Variants in PRKG2 observed in about 807,000 individuals in gnomAD.
PRKG2 encodes protein kinase cGMP-dependent 2, also known as cGMP-dependent protein kinase 2.
Under a neutral mutation model 97.2 loss-of-function variants are expected in PRKG2, and 33 were observed. That is an observed-to-expected ratio of 0.34 (90% CI 0.26 to 0.45). PRKG2 has a LOEUF of 0.45. Ranked by LOEUF, PRKG2 falls within the 20% of genes least tolerant of loss-of-function variation. The pLI is 1.00. For synonymous variants in PRKG2, 330 were observed against 321.8 expected, an observed-to-expected ratio of 1.03 and a Z score of -0.27; for missense variants, 638 against 900.0, an observed-to-expected ratio of 0.71 and a Z score of 3.73.
chr4:81,193,802 G>A (rs1355000028), intron 2 of PRKG2, among the ~76,000 whole-genome samples: 2 of 152,006 alleles, frequency 1.3e-5, no homozygotes, highest in Admixed American at 1.3e-4. Context: ...ATCACACTAC[G>A]GCACTCCAGC....
At chr4:81,102,486 A>G (rs1339439244) in intron 17 of PRKG2, among the ~76,000 whole-genome samples, 1 of 152,220 alleles carries the variant, frequency 6.6e-6, no homozygotes, top group Non-Finnish European at 1.5e-5. Context: ...GAGAAAAGAA[A>G]TTGTGATAAC....
At chr4:81,112,730 A>G (rs976229792) in intron 14 of PRKG2, among the ~76,000 whole-genome samples, 1 of 152,168 alleles carries the variant, frequency 6.6e-6, no homozygotes, top group Admixed American at 6.5e-5. Context: ...GTCAGCGGAA[A>G]CTGGACACTC....
chr4:81,107,791 A>T (rs984815949), intron 15 of PRKG2, among the ~76,000 whole-genome samples: 3 of 152,142 alleles, frequency 2.0e-5, no homozygotes, highest in Admixed American at 6.6e-5. Flanking sequence ...GATTACAGGC[A>T]CGAGTCACAA....
upstream of PRKG2, among the ~76,000 whole-genome samples, chr4:81,217,031 GTATATATATATATATA>G (rs35897460): frequency 1.2e-4 from 14 of 115,296 alleles, 1 homozygote; most frequent in Non-Finnish European, 1.7e-4. Flanking sequence ...TATATATTTT[GTATATATATATATATA>G]TATATATGTG....
chr4:81,128,194 G>C (rs557739269), intron 14 of PRKG2, among the ~76,000 whole-genome samples: 1 of 152,172 alleles, frequency 6.6e-6, no homozygotes, highest in African/African-American at 2.4e-5. Flanking sequence ...CTTGATCGTG[G>C]TGGATAAACT....
Position 81,119,087 on chromosome 4 carries a change from G to C in PRKG2, c.1777-8476C>G, listed in dbSNP as rs577411871. Among the ~76,000 whole-genome samples the C allele has an allele frequency of 3.9e-5, 6 of 152,264 alleles. No individual in the cohort carries two copies. In the South Asian group the frequency reaches 1.2e-3, roughly 32 times the overall value. Reference sequence around the variant, plus strand: ...GCTAGGATTACAGATATGTGCCACTGGGCCCAGTCAAGAAGCTTTTAATTT... The same window carrying C: ...GCTAGGATTACAGATATGTGCCACTCGGCCCAGTCAAGAAGCTTTTAATTT... On this transcript the variant is annotated intron_variant, in intron 14 of 18. Coordinates refer to ENST00000264399, the MANE Select transcript of PRKG2 (RefSeq NM_006259.3).
intron 2 of PRKG2, chr4:81,175,578 G>T (rs1300067955): frequency 6.6e-6 from 1 of 152,130 alleles, no homozygotes; most frequent in Non-Finnish European, 1.5e-5. Flanking sequence ...AAGGGAGAAA[G>T]CCTTTGGGGC....
At chr4:81,147,441 A>G (rs1747963320) in intron 9 of PRKG2, among the ~76,000 whole-genome samples, 1 of 152,110 alleles carries the variant, frequency 6.6e-6, no homozygotes, top group South Asian at 2.1e-4. Context: ...ATCTGAACAC[A>G]CTTCACACTT....
intron 2 of PRKG2, among the ~76,000 whole-genome samples, chr4:81,187,654 T>C (rs1034866063): frequency 2.0e-5 from 3 of 152,096 alleles, no homozygotes; most frequent in Non-Finnish European, 4.4e-5. Context: ...GGTATTCAAA[T>C]AGGAAAAGAG....
At chr4:81,103,018 A>C (rs1400206130) in intron 17 of PRKG2, among the ~76,000 whole-genome samples, 1 of 152,200 alleles carries the variant, frequency 6.6e-6, no homozygotes. Flanking sequence ...CATATTCTTA[A>C]AAGTAATTTT....
At chr4:81,170,169 A>G (rs1490873612) in intron 4 of PRKG2, among the ~76,000 whole-genome samples, 2 of 152,078 alleles carry the variant, frequency 1.3e-5, no homozygotes, top group Non-Finnish European at 2.9e-5. Flanking sequence ...AGTTAAAGCT[A>G]TCTGTGTGTA....
chr4:81,158,734 T>C (rs561446130), intron 6 of PRKG2, among the ~76,000 whole-genome samples: 5 of 152,246 alleles, frequency 3.3e-5, no homozygotes, highest in African/African-American at 7.2e-5. Context: ...AGCATGGTGC[T>C]GGTACCAAAA....
At chr4:81,206,289 C>T (rs1261088407) in intron 1 of PRKG2, among the ~76,000 whole-genome samples, 1 of 152,196 alleles carries the variant, frequency 6.6e-6, no homozygotes, top group Admixed American at 6.5e-5. Flanking sequence ...ACCCAAATCT[C>T]ATCTTGAACT....
At chr4:81,183,521 T>G (rs1048591499) in intron 2 of PRKG2, among the ~76,000 whole-genome samples, 1 of 152,068 alleles carries the variant, frequency 6.6e-6, no homozygotes, top group African/African-American at 2.4e-5. Context: ...CTTGGGTGCC[T>G]ATGACACCAG....
intron 14 of PRKG2, 139 bp from the exon 15 acceptor site, chr4:81,110,750 A>AAGAG (rs57440029): frequency 8.9e-5 from 32 of 358,944 alleles, no homozygotes; most frequent in African/African-American, 3.2e-4. Flanking sequence ...CACACACACA[A>AAGAG]AGAGAGAGAG....
Position 81,153,748 on chromosome 4 carries a change from G to A in PRKG2, c.913-27C>T, listed in dbSNP as rs60878818. The A allele has an allele frequency of 7.0e-4, 1,076 of 1,544,346 alleles. 10 individuals are homozygous for A. In the African/African-American group the frequency reaches 0.012, roughly 18 times the overall value. On this transcript the variant is annotated intron_variant, in intron 6 of 18. Transcript: ENST00000264399. ...TGTTGGGATGAGAGAGAAAGAAAAT[G>A]TAAGAGCGGGTGGAGCCAAGATGGC...
chr4:81,162,040 T>A (rs1749625974), intron 6 of PRKG2, among the ~76,000 whole-genome samples: 1 of 152,120 alleles, frequency 6.6e-6, no homozygotes, highest in African/African-American at 2.4e-5. Flanking sequence ...CACAATTAAT[T>A]GTTGCCATGC....
Position 81,092,456 on chromosome 4 carries a change from A to G in PRKG2, c.2127-4T>C. 1.4e-6 allele frequency: 2 copies of G among 1,401,828 alleles called. No homozygotes were observed. The highest frequency in any genetic ancestry group is 1.9e-6 in the Non-Finnish European group (2 of 1,031,364). 86.8% of individuals were successfully genotyped at this position (1,401,828 alleles called of 1,614,324 possible). A position where few individuals can be genotyped will look rare whatever the true frequency, so the allele number is the denominator to read the frequency against. On this transcript the variant is annotated splice_polypyrimidine_tract_variant and splice_region_variant and intron_variant, in intron 17 of 18. Coordinates refer to ENST00000264399, the MANE Select transcript of PRKG2 (RefSeq NM_006259.3). Reference sequence around the variant, plus strand: ...CCAATTAAAACCATTTAACCACCTGAGAAATGAGAAAGGAAGGAAGGAAGG... The same window carrying G: ...CCAATTAAAACCATTTAACCACCTGGGAAATGAGAAAGGAAGGAAGGAAGG...
intron 2 of PRKG2, among the ~76,000 whole-genome samples, chr4:81,191,920 G>A (rs1483738235): frequency 1.3e-5 from 2 of 152,056 alleles, no homozygotes; most frequent in East Asian, 1.9e-4. Flanking sequence ...AAAGTTATTT[G>A]GCCATCTATA....
Sources: allele counts gnomAD v4.1 joint callset (sites outside exome capture counted in the v4.1 genomes callset), GRCh38; gene constraint gnomAD v4.1.1; transcripts MANE v1.5; gene names NCBI Gene and HGNC (gene_info 2026-07-23, HGNC 2026-07-21).